The following ACOT8 variants were observed in gnomAD, a reference collection of about 807,000 sequenced individuals.
The protein encoded by ACOT8 is acyl-CoA thioesterase 8, also known as acyl-coenzyme A thioesterase 8.
Under a neutral mutation model 38.4 loss-of-function variants are expected in ACOT8, and 31 were observed. The observed-to-expected ratio is 0.81, with a 90% CI of 0.61 to 1.09. ACOT8 has a LOEUF of 1.09. Among genes scored for constraint, ACOT8 ranks in the 50% least tolerant of loss-of-function variants. The pLI, the probability that ACOT8 is intolerant of heterozygous loss-of-function variation, is 0.00. For synonymous variants in ACOT8, 158 were observed against 170.3 expected (o/e 0.93, Z 0.56); for missense variants, 373 against 421.8 (o/e 0.88, Z 1.01).
intron 5 of ACOT8, 150 bp downstream of exon 5, chr20:45,843,377 T>A: frequency 9.6e-7 from 1 of 1,041,260 alleles, no homozygotes; most frequent in Non-Finnish European, 1.4e-6. Flanking sequence ...CCCTCTCATT[T>A]TGAAGATGAA....
chr20:45,843,909 C>T, intron 4 of ACOT8, 188 bp from the exon 5 acceptor site: 1 of 1,225,098 alleles, frequency 8.2e-7, no homozygotes, highest in Non-Finnish European at 1.1e-6. Context: ...CAGGGGTGAG[C>T]AGGGACTGAA....
At chr20:45,847,793 TCAGA>T (rs1290169683) in intron 3 of ACOT8, 2 of 150,924 alleles carry the variant, frequency 1.3e-5, no homozygotes, top group East Asian at 2.0e-4. Context: ...TTTTCTTTTT[TCAGA>T]CAGAGTCTTG....
At chr20:45,850,455 G>C (rs993312442) in intron 2 of ACOT8, among the ~76,000 whole-genome samples, 4 of 152,320 alleles carry the variant, frequency 2.6e-5, no homozygotes, top group Non-Finnish European at 5.9e-5. Flanking sequence ...CTACAAGTCT[G>C]ACTTGTGGAT....
intron 2 of ACOT8, among the ~76,000 whole-genome samples, chr20:45,854,946 A>G (rs1985310449): frequency 6.6e-6 from 1 of 152,206 alleles, no homozygotes; most frequent in Non-Finnish European, 1.5e-5. Context: ...GCCAGACATC[A>G]GGTACCCAGT....
chr20:45,844,187 G>A, intron 4 of ACOT8, 76 bp downstream of exon 4: 1 of 1,593,770 alleles, frequency 6.3e-7, no homozygotes, highest in Non-Finnish European at 8.6e-7. Context: ...GGGAACTCAT[G>A]TGCCCAAGGC....
chr20:45,845,979 G>C (rs143404754), intron 3 of ACOT8, among the ~76,000 whole-genome samples: 1 of 151,850 alleles, frequency 6.6e-6, no homozygotes, highest in South Asian at 2.1e-4. Flanking sequence ...TTACAGGCAC[G>C]GGCCACCACG....
intron 1 of ACOT8, among the ~76,000 whole-genome samples, chr20:45,856,396 C>T (rs765070818): frequency 1.3e-5 from 2 of 152,160 alleles, no homozygotes; most frequent in Non-Finnish European, 2.9e-5. Context: ...AGAAGCCTTG[C>T]TGCAGGGGGC....
In ACOT8 at chr20:45,855,144, A is replaced by T. The variant is rs1281408077; in HGVS notation, c.262+15T>A. 3.1e-6 allele frequency: 5 copies of T among 1,613,274 alleles called. No individual in the cohort carries two copies. The Admixed American group carries it at 8.3e-5, about 27-fold the overall frequency. On this transcript the variant is annotated intron_variant, in intron 2 of 5. Coordinates refer to ENST00000217455, the MANE Select transcript of ACOT8 (RefSeq NM_005469.4). ...GCCACCAGGGTTGGGTTGGGGCAGG[A>T]AGTGGGGGGTTTACCTGCCCGAACA... is the stretch of plus-strand genomic sequence containing the variant.
rs146036586 is a variant in ACOT8 at position 45,851,206 on chromosome 20, C to A, written c.263-2531G>T. On this transcript the variant is annotated intron_variant, in intron 2 of 5. Transcript: ENST00000217455. ...GCTTGCTCAGCTCTCTGTTATCAGG[C>A]ACTGCCACCAGCAGCACTTCTATCA... Among the ~76,000 whole-genome samples, 5 of 152,280 alleles carry A rather than the reference C, an allele frequency of 3.3e-5. No individual in the cohort carries two copies. In the East Asian group the frequency reaches 7.7e-4, roughly 23 times the overall value.
chr20:45,850,587 C>T (rs1046767044), intron 2 of ACOT8, among the ~76,000 whole-genome samples: 4 of 152,218 alleles, frequency 2.6e-5, no homozygotes, highest in African/African-American at 4.8e-5. Flanking sequence ...CTGTCAGTCA[C>T]TTCACCCCTG....
At chr20:45,843,779 G>A (rs761330408) in intron 4 of ACOT8, 58 bp from the exon 5 acceptor site, 6 of 1,586,232 alleles carry the variant, frequency 3.8e-6, no homozygotes, top group South Asian at 2.2e-5. Flanking sequence ...GGACCTGCAC[G>A]GAGGTAGGGG....
intron 3 of ACOT8, among the ~76,000 whole-genome samples, chr20:45,846,686 C>T (rs1311222543): frequency 1.3e-5 from 2 of 152,074 alleles, no homozygotes; most frequent in African/African-American, 4.8e-5. Flanking sequence ...GGGCACTGTC[C>T]CACAGCAGGT....
intron 2 of ACOT8, among the ~76,000 whole-genome samples, chr20:45,854,262 T>TGCTCGCCCAGGCTGGAGA (rs1985259964): frequency 6.6e-6 from 1 of 152,048 alleles, no homozygotes; most frequent in Non-Finnish European, 1.5e-5. Flanking sequence ...CAGGCTGGAG[T>TGCTCGCCCAGGCTGGAGA]GCAGTGGCAC....
chr20:45,856,746 T>C (rs930684380), intron 1 of ACOT8, among the ~76,000 whole-genome samples: 3 of 152,176 alleles, frequency 2.0e-5, no homozygotes, highest in African/African-American at 7.2e-5. Flanking sequence ...AAAAACATGC[T>C]TAGGCCTCAG....
At chr20:45,853,969 CAT>C (rs1985227920) in intron 2 of ACOT8, 2 of 1,304,322 alleles carry the variant, frequency 1.5e-6, no homozygotes, top group Middle Eastern at 2.1e-4. Flanking sequence ...ACGCAGAACA[CAT>C]GAGGGCATCT....
At chr20:45,855,433 T>C in intron 1 of ACOT8, 141 bp from the exon 2 acceptor site, 1 of 1,214,490 alleles carries the variant, frequency 8.2e-7, no homozygotes, top group Non-Finnish European at 1.1e-6. Context: ...CATAGGTCCT[T>C]TCCCCAGGCA....
intron 3 of ACOT8, among the ~76,000 whole-genome samples, chr20:45,845,352 G>A (rs1369446153): frequency 6.6e-6 from 1 of 152,062 alleles, no homozygotes; most frequent in Non-Finnish European, 1.5e-5. Context: ...CTCCCAAAAT[G>A]CTGGGATTAT....
At chr20:45,856,691 G>T (rs1390485375) in intron 1 of ACOT8, among the ~76,000 whole-genome samples, 1 of 152,138 alleles carries the variant, frequency 6.6e-6, no homozygotes, top group Admixed American at 6.6e-5. Context: ...AAGAAAGAAA[G>T]AAACCCTTGC....
At chr20:45,849,680 A>G (rs1328112034) in intron 2 of ACOT8, among the ~76,000 whole-genome samples, 1 of 151,948 alleles carries the variant, frequency 6.6e-6, no homozygotes, top group African/African-American at 2.4e-5. Context: ...CAAACTCCTG[A>G]CCTCAACTGA....
Sources: allele counts gnomAD v4.1 joint callset (sites outside exome capture counted in the v4.1 genomes callset), GRCh38; gene constraint gnomAD v4.1.1; transcripts MANE v1.5; gene names NCBI Gene and HGNC (gene_info 2026-07-23, HGNC 2026-07-21).